RPS6KC1: variants seen among roughly 807,000 people sequenced by gnomAD.
RPS6KC1 encodes the protein inactive ribosomal protein S6 kinase delta-1.
Under a neutral mutation model 103.8 loss-of-function variants are expected in RPS6KC1, and 54 were observed. The observed-to-expected ratio is 0.52, with a 90% CI of 0.42 to 0.65. RPS6KC1 has a LOEUF of 0.65. Among genes scored for constraint, RPS6KC1 ranks in the 30% least tolerant of loss-of-function variants. The pLI is 0.00. For missense variants in RPS6KC1, 1,151 were observed against 1,253.8 expected (o/e 0.92, Z 1.24); for synonymous variants, 439 against 438.7 (o/e 1.00, Z -0.01).
the RPS6KC1 span, among the ~76,000 whole-genome samples, chr1:213,451,904 G>A: frequency 6.6e-6 from 1 of 152,190 alleles, no homozygotes; most frequent in Admixed American, 6.5e-5. Context: ...GTAGCCTGGT[G>A]CTCCAGCCTG....
At chr1:213,473,391 T>C in the RPS6KC1 span, among the ~76,000 whole-genome samples, 1 of 152,228 alleles carries the variant, frequency 6.6e-6, no homozygotes, top group Admixed American at 6.5e-5. Flanking sequence ...TAAACCACAG[T>C]AGGCATGAAG....
downstream of RPS6KC1, among the ~76,000 whole-genome samples, chr1:213,278,076 G>A (rs765859963): frequency 6.6e-5 from 10 of 151,872 alleles, no homozygotes; most frequent in Non-Finnish European, 1.2e-4. Context: ...ACGGTGGCAC[G>A]AACCTATAGT....
the RPS6KC1 span, among the ~76,000 whole-genome samples, chr1:213,448,225 C>CAAAAAA: frequency 6.6e-5 from 5 of 75,820 alleles, no homozygotes; most frequent in Non-Finnish European, 9.4e-5. Flanking sequence ...GTGAGACTGT[C>CAAAAAA]AAAAAAAAAA....
chr1:213,222,116 A>C (rs951016452), intron 8 of RPS6KC1, among the ~76,000 whole-genome samples: 1 of 152,208 alleles, frequency 6.6e-6, no homozygotes, highest in Non-Finnish European at 1.5e-5. Context: ...TAGGCACAAC[A>C]TATTTTGCTT....
intron 8 of RPS6KC1, among the ~76,000 whole-genome samples, chr1:213,178,939 C>T (rs983777494): frequency 4.6e-5 from 7 of 151,820 alleles, no homozygotes; most frequent in Non-Finnish European, 7.4e-5. Flanking sequence ...AGGCTGGTTT[C>T]GAACTCCTGA....
chr1:213,454,883 G>A, the RPS6KC1 span, among the ~76,000 whole-genome samples: 1 of 152,310 alleles, frequency 6.6e-6, no homozygotes, highest in Admixed American at 6.5e-5. Context: ...CTCTGGCGGG[G>A]ACCCATCTGC....
At chr1:213,606,706 G>A in the RPS6KC1 span, among the ~76,000 whole-genome samples, 1 of 152,222 alleles carries the variant, frequency 6.6e-6, no homozygotes, top group Non-Finnish European at 1.5e-5. Context: ...CCAAAAGGGA[G>A]TTCGTGTGAG....
chr1:213,095,481 C>G (rs1275366491), intron 3 of RPS6KC1, among the ~76,000 whole-genome samples: 1 of 152,140 alleles, frequency 6.6e-6, no homozygotes, highest in Non-Finnish European at 1.5e-5. Context: ...ATAAATCAAA[C>G]AGAGAGGCTT....
the RPS6KC1 span, among the ~76,000 whole-genome samples, chr1:213,649,409 C>T: frequency 1.2e-4 from 18 of 152,232 alleles, no homozygotes; most frequent in African/African-American, 4.1e-4. Flanking sequence ...TCTCCAGCCT[C>T]AGTCTCTCCT....
chr1:213,554,597 C>G, the RPS6KC1 span, among the ~76,000 whole-genome samples: 1 of 152,178 alleles, frequency 6.6e-6, no homozygotes, highest in African/African-American at 2.4e-5. Flanking sequence ...TACCCAGAAC[C>G]TGGAATTCTC....
At chr1:213,565,891 A>G in the RPS6KC1 span, among the ~76,000 whole-genome samples, 7,080 of 151,604 alleles carry the variant, frequency 0.047, 370 homozygotes, top group East Asian at 0.29. Context: ...CCTGGGAAGC[A>G]GAGGTTGTGG....
At chr1:213,215,695 C>A (rs1467628777) in intron 8 of RPS6KC1, among the ~76,000 whole-genome samples, 1 of 152,206 alleles carries the variant, frequency 6.6e-6, no homozygotes, top group Non-Finnish European at 1.5e-5. Flanking sequence ...AGAAATTCTA[C>A]AAGCCAGAAT....
the RPS6KC1 span, among the ~76,000 whole-genome samples, chr1:213,568,438 A>T: frequency 6.6e-6 from 1 of 152,206 alleles, no homozygotes; most frequent in African/African-American, 2.4e-5. Flanking sequence ...AGGACAGAAG[A>T]TTCAATTCAA....
the RPS6KC1 span, among the ~76,000 whole-genome samples, chr1:213,596,849 T>G: frequency 1.3e-5 from 2 of 152,240 alleles, no homozygotes; most frequent in Non-Finnish European, 2.9e-5. Flanking sequence ...CTGAGATACA[T>G]ATCGAGTAAA....
At chr1:213,082,741 TAAACAA>T (rs1166867104) in intron 3 of RPS6KC1, among the ~76,000 whole-genome samples, 1 of 152,184 alleles carries the variant, frequency 6.6e-6, no homozygotes, top group Non-Finnish European at 1.5e-5. Context: ...GAAGGATTGT[TAAACAA>T]AAAGGTCCTA....
the RPS6KC1 span, among the ~76,000 whole-genome samples, chr1:213,734,955 G>A: frequency 0.016 from 2,363 of 151,798 alleles, 58 homozygotes; most frequent in African/African-American, 0.054. Flanking sequence ...AGACGGAGCC[G>A]CTCTGTAGCC....
the RPS6KC1 span, among the ~76,000 whole-genome samples, chr1:213,692,967 G>A: frequency 6.6e-6 from 1 of 152,138 alleles, no homozygotes; most frequent in Non-Finnish European, 1.5e-5. Context: ...ACTGCCTACT[G>A]TAATACTAGT....
the RPS6KC1 span, among the ~76,000 whole-genome samples, chr1:213,647,607 G>T: frequency 6.6e-6 from 1 of 152,070 alleles, no homozygotes; most frequent in Admixed American, 6.5e-5. Flanking sequence ...TAATCCTGAG[G>T]TTCCTTTCAG....
chr1:213,092,302 T>A (rs1378276046), intron 3 of RPS6KC1, among the ~76,000 whole-genome samples: 1 of 152,154 alleles, frequency 6.6e-6, no homozygotes, highest in Admixed American at 6.5e-5. Context: ...AACTGAAAAT[T>A]GAATGTTTCT....
Sources: allele counts gnomAD v4.1 joint callset (sites outside exome capture counted in the v4.1 genomes callset), GRCh38; gene constraint gnomAD v4.1.1; transcripts MANE v1.5; gene names NCBI Gene and HGNC (gene_info 2026-07-23, HGNC 2026-07-21).